EVC2: variants seen among roughly 807,000 people sequenced by gnomAD.
EVC2 encodes limbin.
Under a neutral mutation model 149.3 loss-of-function variants are expected in EVC2, and 148 were observed. The observed-to-expected ratio is 0.99, with a 90% confidence interval of 0.87 to 1.14. The LOEUF (loss-of-function observed/expected upper bound fraction) is 1.14. EVC2 is among the 50% of genes most tolerant of loss of function. The pLI is 0.00. For synonymous variants in EVC2, 776 were observed against 649.9 expected, an observed-to-expected ratio of 1.19 and a Z score of -2.95; for missense variants, 1,854 against 1,627.3, an observed-to-expected ratio of 1.14 and a Z score of -2.40.
In EVC2 at chr4:5,665,556, G is replaced by A. The variant is rs539685245; in HGVS notation, c.964C>T (p.Arg322Cys). ...LTWAALFLMVRYQCLKGNMLT... is the reference protein window; with the variant it reads ...LTWAALFLMVCYQCLKGNMLT... The stretch of plus-strand genomic sequence containing the variant: ...ATGTTTCCCTTCAGACACTGATAGC[G>A]AACCATGAGGAAGAGGGCAGCCCAG... The change falls in exon 8 of 22, where the codon CGC becomes TGC. Residue 322 changes from arginine to cysteine, a missense_variant. Physicochemically the swap from Arg to Cys is radical, Grantham distance 180. Coordinates refer to ENST00000344408, the MANE Select transcript of EVC2 (RefSeq NM_147127.5). 153 of 1,614,156 alleles carry A rather than the reference G, an allele frequency of 9.5e-5. No individual in the cohort carries two copies. The highest frequency in any genetic ancestry group is 1.2e-4 in the Non-Finnish European group (145 of 1,180,034).
At chr4:5,561,996 A>T (rs1237322845), downstream of EVC2, among the ~76,000 whole-genome samples, 3 of 152,086 alleles carry the variant, frequency 2.0e-5, no homozygotes, top group Non-Finnish European at 2.9e-5. Flanking sequence ...CCCCAGTGAG[A>T]TATTACTGGC....
chr4:5,615,575 G>T, intron 15 of EVC2, 31 bp from the exon 16 acceptor site: 1 of 1,614,068 alleles, frequency 6.2e-7, no homozygotes, highest in South Asian at 1.1e-5. Context: ...ACGTGGGTAA[G>T]AAGGCAATCA....
intron 7 of EVC2, among the ~76,000 whole-genome samples, chr4:5,676,693 A>C (rs1172345400): frequency 6.6e-6 from 1 of 152,042 alleles, no homozygotes; most frequent in Non-Finnish European, 1.5e-5. Flanking sequence ...TCTTACCTTC[A>C]AGACCCAATT....
chr4:5,541,374 G>A (rs1304648976), downstream of EVC2, among the ~76,000 whole-genome samples: 3 of 152,188 alleles, frequency 2.0e-5, no homozygotes, highest in Non-Finnish European at 4.4e-5. Flanking sequence ...CAGTGGTGAC[G>A]AACACAGTGA....
At chr4:5,555,582 G>C (rs145996864) in intron 21 of EVC2, among the ~76,000 whole-genome samples, 21 of 152,130 alleles carry the variant, frequency 1.4e-4, no homozygotes, top group Non-Finnish European at 2.6e-4. Flanking sequence ...TATGGTAAAG[G>C]GATCAATTCA....
chr4:5,611,313 A>G lies in EVC2; in HGVS notation c.2829+4109T>C, dbSNP rs571167746. ...CCATTCTTGCAGCAATGTGATGAGT[A>G]TGGAGATTCACGCTCATGAAGAGCA... On this transcript the variant is annotated intron_variant, in intron 16 of 21. Coordinates refer to ENST00000344408, the MANE Select transcript of EVC2 (RefSeq NM_147127.5). Among the ~76,000 whole-genome samples, 10 of 152,308 alleles carry G rather than the reference A, an allele frequency of 6.6e-5. No homozygotes were observed. The South Asian group carries it at 2.1e-3, about 32-fold the overall frequency.
At chr4:5,626,040 T>C in intron 12 of EVC2, 132 bp from the exon 13 acceptor site, 1 of 1,088,886 alleles carries the variant, frequency 9.2e-7, no homozygotes, top group Non-Finnish European at 1.4e-6. Context: ...CCAGAAGAAT[T>C]ACAAGAATGG....
rs937614475 is a variant in EVC2 at position 5,696,646 on chromosome 4, G to T, written c.283+947C>A. Reference sequence around the variant, plus strand: ...TGCCTGTGAAAGATGCTCACCAGAGGAAAGCAGGGCGGCTGAGAGGGAAGG... The same window carrying T: ...TGCCTGTGAAAGATGCTCACCAGAGTAAAGCAGGGCGGCTGAGAGGGAAGG... On this transcript the variant is annotated intron_variant, in intron 2 of 21. Transcript: ENST00000344408. The surrounding 1 kb of genome is among the most constrained non-coding windows in gnomAD (Gnocchi z 4.1). 6.6e-6 allele frequency among the ~76,000 whole-genome samples: 1 copy of T among 152,212 alleles called. No homozygotes were observed. Among genetic ancestry groups the T allele is most frequent in the African/African-American group, 2.4e-5 (1 of 41,450 alleles).
chr4:5,638,017 C>T (rs1031954439), intron 10 of EVC2, among the ~76,000 whole-genome samples: 9 of 152,068 alleles, frequency 5.9e-5, no homozygotes, highest in African/African-American at 1.9e-4. Flanking sequence ...AGATTGGGCT[C>T]ATGGGTCCTT....
intron 16 of EVC2, among the ~76,000 whole-genome samples, chr4:5,594,177 G>A (rs1326239953): frequency 6.6e-6 from 1 of 152,184 alleles, no homozygotes; most frequent in African/African-American, 2.4e-5. Flanking sequence ...AGTAACCTCT[G>A]CAGACTTAAA....
At chr4:5,709,544 T>G, upstream of EVC2, 1 of 152,206 alleles carries the variant, frequency 6.6e-6, no homozygotes, top group Non-Finnish European at 1.5e-5. Context: ...GCTGAGAATT[T>G]ATAAGCCAAG....
rs532844226 is a variant in EVC2 at position 5,614,409 on chromosome 4, T to G, written c.2829+1013A>C. On this transcript the variant is annotated intron_variant, in intron 16 of 21. Coordinates refer to ENST00000344408, the MANE Select transcript of EVC2 (RefSeq NM_147127.5). The surrounding 1 kb of genome is among the most constrained non-coding windows in gnomAD (Gnocchi z 4.7). ...ACACAGCGCCTGGGACACTGTTGCC[T>G]CCCCAAAATACTTGTGGAACAAATT... is the stretch of plus-strand genomic sequence containing the variant. Among the ~76,000 whole-genome samples, 1 of 152,110 alleles carries G rather than the reference T, an allele frequency of 6.6e-6. No homozygotes were observed. The highest frequency in any genetic ancestry group is 1.9e-4 in the East Asian group (1 of 5,174).
chr4:5,697,594 T>C lies in EVC2; in HGVS notation c.282A>G (p.Ala94=). The C allele has an allele frequency of 6.2e-7, 1 of 1,614,160 alleles. No homozygotes were observed. Among genetic ancestry groups the C allele is most frequent in the Non-Finnish European group, 8.5e-7 (1 of 1,179,994 alleles). ...PKVECCHFKT[A]VEAPLGMKLD... is the part of the protein sequence containing the mutation. The stretch of plus-strand genomic sequence containing the variant: ...ACATCAACCAGAAGAAAAACTCACC[T>C]GCAGTCTTAAAGTGACAGCATTCCA... The change falls in exon 2 of 22, where the codon GCA becomes GCG. Residue 94 remains alanine, a splice_region_variant and synonymous_variant. Transcript: ENST00000344408.
intron 9 of EVC2, among the ~76,000 whole-genome samples, chr4:5,661,164 C>T (rs1376929114): frequency 6.6e-6 from 1 of 152,110 alleles, no homozygotes; most frequent in African/African-American, 2.4e-5. Flanking sequence ...AAAAAAGTTT[C>T]CTGTAAATGG....
chr4:5,651,803 A>C (rs962537552), intron 9 of EVC2, among the ~76,000 whole-genome samples: 1 of 152,134 alleles, frequency 6.6e-6, no homozygotes, highest in African/African-American at 2.4e-5. Flanking sequence ...CTCCAGGCTA[A>C]CTCCCCTTAT....
At chr4:5,628,082 T>G (rs1716247189) in intron 12 of EVC2, among the ~76,000 whole-genome samples, 1 of 150,862 alleles carries the variant, frequency 6.6e-6, no homozygotes, top group Non-Finnish European at 1.5e-5. Flanking sequence ...ACAAGATAAT[T>G]CTTCTTCAGA....
At chr4:5,646,331 T>C (rs909239217) in intron 9 of EVC2, among the ~76,000 whole-genome samples, 1 of 152,192 alleles carries the variant, frequency 6.6e-6, no homozygotes, top group African/African-American at 2.4e-5. Flanking sequence ...TTTCATATGT[T>C]TGTTGGCTAC....
intron 21 of EVC2, among the ~76,000 whole-genome samples, chr4:5,564,845 A>G (rs1313888657): frequency 6.6e-6 from 1 of 151,988 alleles, no homozygotes; most frequent in South Asian, 2.1e-4. Context: ...CCCAAATCTC[A>G]TGACCACTGT....
rs764660722 is a variant in EVC2, at chr4:5,622,566, C to G, written c.2472G>C (p.Glu824Asp). 2.5e-6 allele frequency: 4 copies of G among 1,614,032 alleles called. No individual in the cohort carries two copies. The highest frequency in any genetic ancestry group is 1.1e-5 in the South Asian group (1 of 91,046). ...APEAVTEEQAELRRWEHLIFM... is the reference protein window; with the variant it reads ...APEAVTEEQADLRRWEHLIFM... ...AGATCAGGTGCTCCCAGCGTCGCAGCTCTGCCTGCTCCTCTGTCACGGCCT... is the reference window on the plus strand; with the variant it reads ...AGATCAGGTGCTCCCAGCGTCGCAGGTCTGCCTGCTCCTCTGTCACGGCCT... The change falls in exon 14 of 22, where the codon GAG (glutamate) becomes GAC (aspartate). Residue 824 changes from glutamate (E) to aspartate (D), a missense_variant. Transcript: ENST00000344408. The surrounding 1 kb of genome is among the most constrained non-coding windows in gnomAD (Gnocchi z 5.8).
Sources: gnomAD v4.1 joint callset for allele counts (sites outside exome capture counted in the v4.1 genomes callset) on GRCh38, gnomAD v4.1.1 for gene constraint, Gnocchi (gnomAD v3.1) non-coding constraint, MANE v1.5 for transcripts, NCBI Gene and HGNC (gene_info 2026-07-23, HGNC 2026-07-21) for gene names.